The following ARFIP1 variants were observed in gnomAD, a reference collection of about 807,000 sequenced individuals.
ARFIP1 encodes the protein ARF interacting protein 1, also known as arfaptin-1.
A neutral mutation model predicts 42.5 loss-of-function variants in ARFIP1; 24 were observed. That is an observed-to-expected ratio of 0.57 (90% confidence interval 0.41 to 0.80). The LOEUF is 0.80. Among genes scored for constraint, ARFIP1 ranks in the 30% least tolerant of loss-of-function variants. The pLI is 0.00. For missense variants in ARFIP1, 354 were observed against 434.0 expected, an observed-to-expected ratio of 0.82 and a Z score of 1.64; for synonymous variants, 141 against 153.7, an observed-to-expected ratio of 0.92 and a Z score of 0.61.
chr4:152,862,748 T>C (rs1171806289), intron 2 of ARFIP1, among the ~76,000 whole-genome samples: 1 of 152,228 alleles, frequency 6.6e-6, no homozygotes, highest in Non-Finnish European at 1.5e-5. Flanking sequence ...CAGTTTGATT[T>C]CTCTGAAGTT....
In ARFIP1 at chr4:152,821,966, G is replaced by C. The variant is rs570874633; in HGVS notation, c.-9-7659G>C. On this transcript the variant is annotated intron_variant, in intron 1 of 8. Transcript: ENST00000353617. ...AGCCCTACAAGAAATGTTAAAAGGAGTTCTAAATCTTGAAACAAAAGGTTG... is the reference window on the plus strand; with the variant it reads ...AGCCCTACAAGAAATGTTAAAAGGACTTCTAAATCTTGAAACAAAAGGTTG... Among the ~76,000 whole-genome samples, 153 of 152,294 alleles carry C rather than the reference G, an allele frequency of 1.0e-3. 2 individuals carry two copies. In the South Asian group the frequency reaches 0.031, roughly 31 times the overall value.
intron 2 of ARFIP1, among the ~76,000 whole-genome samples, chr4:152,830,439 G>T (rs1731171894): frequency 6.6e-6 from 1 of 152,118 alleles, no homozygotes; most frequent in Non-Finnish European, 1.5e-5. Flanking sequence ...ATTATTTCTG[G>T]AGATACTTGC....
intron 1 of ARFIP1, among the ~76,000 whole-genome samples, chr4:152,819,420 C>T (rs2149838357): frequency 6.6e-6 from 1 of 152,314 alleles, no homozygotes; most frequent in East Asian, 1.9e-4. Flanking sequence ...ATCTACGTCA[C>T]TTCCCTCCCA....
Position 152,872,538 on chromosome 4 carries a change from A to C in ARFIP1, c.385A>C (p.Arg129=), listed in dbSNP as rs564478234. Residue 129 remains arginine (R), a synonymous_variant, in exon 5 of 9, where the codon AGA becomes CGA. Coordinates refer to ENST00000353617, the MANE Select transcript of ARFIP1 (RefSeq NM_001025595.3). ...NPAMEKLELV[R]KWSLNTYKCT... ...TGCAATGGAAAAGTTAGAACTTGTT[A>C]GAAAATGGAGTCTAAACACCTATAA... 6 of 1,605,784 alleles carry C rather than the reference A, an allele frequency of 3.7e-6. No individual in the cohort carries two copies. The Admixed American group carries it at 1.0e-4, about 27-fold the overall frequency.
At chr4:152,792,405 G>C (rs968155597) in intron 1 of ARFIP1, among the ~76,000 whole-genome samples, 2 of 148,618 alleles carry the variant, frequency 1.3e-5, no homozygotes, top group African/African-American at 5.0e-5. Context: ...TCTATATTTA[G>C]TGAAAAATAA....
At chr4:152,867,466 G>C (rs746474458) in intron 3 of ARFIP1, among the ~76,000 whole-genome samples, 1 of 152,054 alleles carries the variant, frequency 6.6e-6, no homozygotes, top group Admixed American at 6.5e-5. Flanking sequence ...GCTTCTGCTC[G>C]GCATCAGAGG....
intron 5 of ARFIP1, among the ~76,000 whole-genome samples, chr4:152,880,620 T>A (rs1315065561): frequency 1.3e-5 from 2 of 152,210 alleles, no homozygotes; most frequent in Non-Finnish European, 2.9e-5. Flanking sequence ...TTGGTGTTCT[T>A]ATTATTCCTA....
At chr4:152,814,882 C>T (rs1054900412) in intron 1 of ARFIP1, among the ~76,000 whole-genome samples, 1 of 152,184 alleles carries the variant, frequency 6.6e-6, no homozygotes, top group South Asian at 2.1e-4. Flanking sequence ...CAAGTGAGCA[C>T]GACCTCCCCA....
rs552624234 is a variant in ARFIP1, at chr4:152,839,768, G to A, written c.93+10042G>A. On this transcript the variant is annotated intron_variant, in intron 2 of 8. Coordinates refer to ENST00000353617, the MANE Select transcript of ARFIP1 (RefSeq NM_001025595.3). ...TTATCATTTGTATTTTTTTGTTGTT[G>A]TTTGTTTCAATTTCATTTAGTTCTG... is the stretch of plus-strand genomic sequence containing the variant. Among the ~76,000 whole-genome samples, 191 of 151,746 alleles carry A rather than the reference G, an allele frequency of 1.3e-3. 1 individual carries two copies. Among genetic ancestry groups the A allele is most frequent in the African/African-American group, 4.3e-3 (179 of 41,256 alleles).
rs79556811 is a variant in ARFIP1, at chr4:152,834,189, G to A, written c.93+4463G>A. Among the ~76,000 whole-genome samples, 861 of 152,182 alleles carry A rather than the reference G, an allele frequency of 5.7e-3. 10 individuals carry two copies. Among genetic ancestry groups the A allele is most frequent in the African/African-American group, 0.02 (822 of 41,518 alleles). ...GTGTTAAACCATTCATGAGGAATCC[G>A]CCCCCATGATCCAGTCACTTCCCAC... On this transcript the variant is annotated intron_variant, in intron 2 of 8. Transcript: ENST00000353617.
At chr4:152,796,724 C>A in intron 1 of ARFIP1, 1 of 836,776 alleles carries the variant, frequency 1.2e-6, no homozygotes. Context: ...ATTTTCTTTG[C>A]CTTCTTTGAA....
At chr4:152,904,126 A>G (rs1329171508) in intron 8 of ARFIP1, among the ~76,000 whole-genome samples, 1 of 150,258 alleles carries the variant, frequency 6.7e-6, no homozygotes, top group Non-Finnish European at 1.5e-5. Context: ...AACGTGTGCC[A>G]TGATGGTTTG....
intron 2 of ARFIP1, among the ~76,000 whole-genome samples, chr4:152,848,215 T>A (rs1481548556): frequency 6.6e-6 from 1 of 152,266 alleles, no homozygotes; most frequent in Non-Finnish European, 1.5e-5. Context: ...GTGATTTGAC[T>A]ATAACTGCAG....
At chr4:152,818,899 G>A (rs917884578) in intron 1 of ARFIP1, among the ~76,000 whole-genome samples, 5 of 152,092 alleles carry the variant, frequency 3.3e-5, no homozygotes, top group East Asian at 1.9e-4. Flanking sequence ...AAGCATGTGC[G>A]CTTCTCCCTG....
chr4:152,902,496 T>C (rs527278602), intron 8 of ARFIP1, among the ~76,000 whole-genome samples: 1 of 152,220 alleles, frequency 6.6e-6, no homozygotes, highest in South Asian at 2.1e-4. Flanking sequence ...AGTGAGACCC[T>C]GTCTCGGGTC....
intron 2 of ARFIP1, among the ~76,000 whole-genome samples, chr4:152,843,344 T>C (rs1375304780): frequency 6.6e-6 from 1 of 152,184 alleles, no homozygotes; most frequent in African/African-American, 2.4e-5. Context: ...ATGGACTCCA[T>C]GAGGGTCCTT....
At chr4:152,828,071 G>A (rs1352776008) in intron 1 of ARFIP1, among the ~76,000 whole-genome samples, 2 of 152,112 alleles carry the variant, frequency 1.3e-5, no homozygotes, top group African/African-American at 4.8e-5. Flanking sequence ...TTCCATTTAT[G>A]TATGTACCAC....
At chr4:152,793,781 C>G (rs934729399) in intron 1 of ARFIP1, among the ~76,000 whole-genome samples, 5 of 152,064 alleles carry the variant, frequency 3.3e-5, no homozygotes, top group African/African-American at 1.2e-4. Flanking sequence ...GGTGGGGGAC[C>G]TACTATATTT....
intron 1 of ARFIP1, among the ~76,000 whole-genome samples, chr4:152,798,238 G>A (rs914979007): frequency 3.0e-5 from 4 of 134,786 alleles, no homozygotes; most frequent in Non-Finnish European, 6.8e-5. Flanking sequence ...ACTCCAGCCT[G>A]GGCGACAGAG....
Sources: allele counts gnomAD v4.1 joint callset (sites outside exome capture counted in the v4.1 genomes callset), GRCh38; gene constraint gnomAD v4.1.1; transcripts MANE v1.5; gene names NCBI Gene and HGNC (gene_info 2026-07-23, HGNC 2026-07-21).